Variants in UBE2E3 observed in about 807,000 individuals in gnomAD.
UBE2E3 encodes ubiquitin conjugating enzyme E2 E3, also known as ubiquitin-conjugating enzyme E2 E3.
UBE2E3 carries 5 observed loss-of-function variants against 23.6 expected under a neutral mutation model. The ratio of observed to expected loss-of-function variants is 0.21; its 90% CI spans 0.11 to 0.44. The LOEUF is 0.44. Among genes scored for constraint, UBE2E3 ranks in the 20% least tolerant of loss-of-function variants. UBE2E3 has a pLI of 0.99. For missense variants in UBE2E3, 81 were observed against 249.8 expected, an observed-to-expected ratio of 0.32 and a Z score of 4.55; for synonymous variants, 78 against 87.5, an observed-to-expected ratio of 0.89 and a Z score of 0.60.
intron 4 of UBE2E3, among the ~76,000 whole-genome samples, chr2:181,058,957 G>GAA (rs1574227397): frequency 6.6e-6 from 1 of 151,556 alleles, no homozygotes; most frequent in South Asian, 2.1e-4. Context: ...ATTAATTGAA[G>GAA]AAAAAGACTC....
chr2:181,055,109 A>G (rs1686952574), intron 3 of UBE2E3, among the ~76,000 whole-genome samples: 1 of 151,720 alleles, frequency 6.6e-6, no homozygotes, highest in African/African-American at 2.4e-5. Context: ...ATGGGAGGAA[A>G]TGCCTGTTGG....
chr2:181,036,057 A>G (rs1245704603), intron 3 of UBE2E3, among the ~76,000 whole-genome samples: 1 of 152,198 alleles, frequency 6.6e-6, no homozygotes, highest in Non-Finnish European at 1.5e-5. Flanking sequence ...ATTGAAATGG[A>G]CAGAATGAAG....
At chr2:181,047,168 A>G (rs1686695542) in intron 3 of UBE2E3, among the ~76,000 whole-genome samples, 1 of 151,946 alleles carries the variant, frequency 6.6e-6, no homozygotes, top group Non-Finnish European at 1.5e-5. Context: ...GCTTCTTTCC[A>G]TATCTCTTCA....
At chr2:180,987,254 C>G in intron 3 of UBE2E3, 1 of 1,442,592 alleles carries the variant, frequency 6.9e-7, no homozygotes, top group Non-Finnish European at 9.4e-7. Context: ...ATGGGCATTT[C>G]CCTATTTGTA....
intron 3 of UBE2E3, among the ~76,000 whole-genome samples, chr2:181,022,209 GTTATT>G (rs200580520): frequency 0.011 from 1,734 of 152,184 alleles, 31 homozygotes; most frequent in African/African-American, 0.039. Flanking sequence ...AATGTTAATA[GTTATT>G]TTATAGGAAA....
Position 181,057,790 on chromosome 2 carries a change from A to T in UBE2E3, c.343A>T (p.Thr115Ser). The T allele has an allele frequency of 1.9e-6, 3 of 1,611,484 alleles. No individual in the cohort carries two copies. The highest frequency in any genetic ancestry group is 2.5e-6 in the Non-Finnish European group (3 of 1,178,442). ...YEGGVFFLDI[T>S]FSSDYPFKPP... is the part of the protein sequence containing the mutation. ...AGGTGGTGTGTTTTTTCTGGATATC[A>T]CATTTTCATCAGATTATCCATTTAA... The change falls in exon 4 of 6, where the codon ACA (threonine) becomes TCA (serine). Residue 115 changes from threonine to serine, a missense_variant. Physicochemically the swap from Thr to Ser is moderately conservative, Grantham distance 58 (BLOSUM62 1). Transcript: ENST00000410062.
chr2:181,027,382 T>A (rs1362342128), intron 3 of UBE2E3, among the ~76,000 whole-genome samples: 1 of 151,958 alleles, frequency 6.6e-6, no homozygotes, highest in Non-Finnish European at 1.5e-5. Context: ...AACCTCTTGT[T>A]TTAAATGAGA....
At chr2:180,984,873 A>G (rs976506179) in intron 3 of UBE2E3, among the ~76,000 whole-genome samples, 4 of 151,992 alleles carry the variant, frequency 2.6e-5, no homozygotes, top group South Asian at 2.1e-4. Flanking sequence ...TTTAATGACT[A>G]TGGCTTACAA....
chr2:181,031,126 A>T (rs72885232), intron 3 of UBE2E3, among the ~76,000 whole-genome samples: 1 of 151,784 alleles, frequency 6.6e-6, no homozygotes, highest in Non-Finnish European at 1.5e-5. Context: ...CTCTCATACT[A>T]TTTTTTTAAA....
At chr2:181,004,959 T>C (rs1462019156) in intron 3 of UBE2E3, among the ~76,000 whole-genome samples, 1 of 152,236 alleles carries the variant, frequency 6.6e-6, no homozygotes, top group Non-Finnish European at 1.5e-5. Flanking sequence ...AAACTTTTAT[T>C]TGCATATACT....
intron 3 of UBE2E3, among the ~76,000 whole-genome samples, chr2:180,997,194 C>A (rs1320219425): frequency 6.6e-6 from 1 of 150,964 alleles, no homozygotes; most frequent in African/African-American, 2.4e-5. Context: ...TCATTTAATT[C>A]TTTCATCTTT....
At chr2:181,021,562 T>TCCTTCCTTCCTTCCTTCCTTCCTTCCTC (rs1559124271) in intron 3 of UBE2E3, among the ~76,000 whole-genome samples, 1 of 35,334 alleles carries the variant, frequency 2.8e-5, no homozygotes. Flanking sequence ...CTCCCTTCCT[T>TCCTTCCTTCCTTCCTTCCTTCCTTCCTC]CCTTCCTTCC....
At chr2:181,016,239 A>T (rs999380280) in intron 3 of UBE2E3, among the ~76,000 whole-genome samples, 6 of 149,530 alleles carry the variant, frequency 4.0e-5, no homozygotes, top group Admixed American at 3.3e-4. Context: ...TGGGGTTTAA[A>T]TTTTTTTTTT....
At chr2:181,046,097 T>C (rs922505751) in intron 3 of UBE2E3, among the ~76,000 whole-genome samples, 3 of 152,190 alleles carry the variant, frequency 2.0e-5, no homozygotes, top group African/African-American at 4.8e-5. Context: ...GCCTGGCACA[T>C]GGTAGATAAT....
intron 3 of UBE2E3, among the ~76,000 whole-genome samples, chr2:181,036,058 C>T (rs1450723301): frequency 6.6e-6 from 1 of 152,172 alleles, no homozygotes; most frequent in East Asian, 1.9e-4. Flanking sequence ...TTGAAATGGA[C>T]AGAATGAAGG....
Position 181,062,635 on chromosome 2 carries a change from A to G in UBE2E3, c.527-156A>G, listed in dbSNP as rs193281538. Among the ~76,000 whole-genome samples the G allele has an allele frequency of 9.5e-3, 1,442 of 151,642 alleles. 24 individuals carry two copies. Among genetic ancestry groups the G allele is most frequent in the Non-Finnish European group, 0.012 (796 of 67,730 alleles). On this transcript the variant is annotated intron_variant, in intron 5 of 5. Transcript: ENST00000410062. Reference sequence around the variant, plus strand: ...CTAACTGGAATATTAAAATATACATATGATCATGTTACTTTAAACTTTTTC... The same window carrying G: ...CTAACTGGAATATTAAAATATACATGTGATCATGTTACTTTAAACTTTTTC...
chr2:181,007,392 A>G (rs1685185190), intron 3 of UBE2E3, among the ~76,000 whole-genome samples: 1 of 152,196 alleles, frequency 6.6e-6, no homozygotes, highest in South Asian at 2.1e-4. Context: ...CCTATTGATA[A>G]TCAGACCTTG....
chr2:180,989,719 T>C (rs1684597525), intron 3 of UBE2E3, among the ~76,000 whole-genome samples: 1 of 152,168 alleles, frequency 6.6e-6, no homozygotes. Context: ...GATAATGTAA[T>C]TAGAAGGTGG....
chr2:181,045,752 G>T (rs959690550), intron 3 of UBE2E3, among the ~76,000 whole-genome samples: 2 of 152,038 alleles, frequency 1.3e-5, no homozygotes, highest in African/African-American at 4.8e-5. Flanking sequence ...CTCTTAAGAA[G>T]GTTGCTTATT....
Sources: allele counts gnomAD v4.1 joint callset (sites outside exome capture counted in the v4.1 genomes callset), GRCh38; gene constraint gnomAD v4.1.1; transcripts MANE v1.5; gene names NCBI Gene and HGNC (gene_info 2026-07-23, HGNC 2026-07-21).